ELMO1: variants seen among roughly 807,000 people sequenced by gnomAD.
The protein encoded by ELMO1 is engulfment and cell motility protein 1.
ELMO1 carries 26 observed loss-of-function variants against 98.9 expected under a neutral mutation model. The ratio of observed to expected loss-of-function variants is 0.26; its 90% CI spans 0.19 to 0.36. The LOEUF is 0.36. Ranked by LOEUF, ELMO1 falls within the 10% of genes least tolerant of loss-of-function variation. ELMO1 has a pLI of 1.00. For missense variants in ELMO1, 627 were observed against 935.2 expected, an observed-to-expected ratio of 0.67 and a Z score of 4.30; for synonymous variants, 346 against 346.0, an observed-to-expected ratio of 1.00 and a Z score of 0.00.
chr7:37,366,733 C>T (rs1399713356), intron 1 of ELMO1, among the ~76,000 whole-genome samples: 1 of 152,184 alleles, frequency 6.6e-6, no homozygotes, highest in African/African-American at 2.4e-5. Flanking sequence ...GTGCAGTGAG[C>T]CAGGCCAACT....
chr7:37,014,664 C>A (rs763982230), intron 15 of ELMO1, among the ~76,000 whole-genome samples: 1 of 151,926 alleles, frequency 6.6e-6, no homozygotes, highest in Non-Finnish European at 1.5e-5. Context: ...TGTGTTGTTC[C>A]CCTCCCTGTG....
intron 4 of ELMO1, among the ~76,000 whole-genome samples, chr7:37,298,054 G>GT (rs1254054339): frequency 7.2e-5 from 11 of 152,192 alleles, no homozygotes; most frequent in South Asian, 4.1e-4. Flanking sequence ...CTGTGTAAAT[G>GT]TTTTTTGAAG....
At chr7:37,311,060 T>G (rs1798866265) in intron 4 of ELMO1, among the ~76,000 whole-genome samples, 1 of 152,036 alleles carries the variant, frequency 6.6e-6, no homozygotes, top group Non-Finnish European at 1.5e-5. Context: ...TAGAGCAGAA[T>G]TTGAACTTGT....
chr7:37,272,055 A>C (rs779105371), intron 4 of ELMO1, among the ~76,000 whole-genome samples, 173 bp from the exon 5 acceptor site: 1 of 152,242 alleles, frequency 6.6e-6, no homozygotes, highest in Non-Finnish European at 1.5e-5. Context: ...TATTCAGTAC[A>C]AAGGAAGTGA....
chr7:37,140,116 C>T (rs556731594), intron 13 of ELMO1, among the ~76,000 whole-genome samples: 6 of 151,952 alleles, frequency 3.9e-5, no homozygotes, highest in African/African-American at 1.4e-4. Context: ...TGGTTCACGC[C>T]TGTAATCCCA....
rs573916995 is a variant in ELMO1, at chr7:37,194,416, C to T, written c.1086+16970G>A. 5.9e-5 allele frequency among the ~76,000 whole-genome samples: 9 copies of T among 152,308 alleles called. 1 individual carries two copies. The highest frequency in any genetic ancestry group is 3.4e-3 in the Middle Eastern group (1 of 294). On this transcript the variant is annotated intron_variant, in intron 13 of 21. Coordinates refer to ENST00000310758, the MANE Select transcript of ELMO1 (RefSeq NM_014800.11). Reference sequence around the variant, plus strand: ...TGTTACCAAGCCCTGTGCTCCACACCTTTTCTTTCACATTTGTTTTCTCCC... The same window carrying T: ...TGTTACCAAGCCCTGTGCTCCACACTTTTTCTTTCACATTTGTTTTCTCCC...
chr7:37,181,660 T>C (rs759950002), intron 13 of ELMO1, among the ~76,000 whole-genome samples: 10 of 152,212 alleles, frequency 6.6e-5, no homozygotes, highest in Non-Finnish European at 1.2e-4. Flanking sequence ...AGGAATGTAT[T>C]GCAGTCCTCA....
chr7:37,167,698 C>T (rs1362797082), intron 13 of ELMO1, among the ~76,000 whole-genome samples: 59 of 152,232 alleles, frequency 3.9e-4, no homozygotes, highest in Admixed American at 2.0e-3. Context: ...GAGTTTCTGC[C>T]GAGAGATCAG....
chr7:36,962,941 G>A (rs980364556), intron 16 of ELMO1, among the ~76,000 whole-genome samples: 1 of 151,954 alleles, frequency 6.6e-6, no homozygotes, highest in African/African-American at 2.4e-5. Context: ...TGAGAAAATT[G>A]GAAAAGTGAG....
chr7:37,159,483 C>A (rs1397830639), intron 13 of ELMO1, among the ~76,000 whole-genome samples: 2 of 152,056 alleles, frequency 1.3e-5, no homozygotes, highest in Non-Finnish European at 2.9e-5. Context: ...GGTGGATCAC[C>A]TGAGGTCAGG....
chr7:37,422,034 C>T lies in ELMO1; in HGVS notation c.-74+26641G>A, dbSNP rs550005221. On this transcript the variant is annotated intron_variant, in intron 1 of 21. Coordinates refer to ENST00000310758, the MANE Select transcript of ELMO1 (RefSeq NM_014800.11). The stretch of plus-strand genomic sequence containing the variant: ...ACCTTTAAAGAATGCAGTTCTCAAG[C>T]CAATTGCATTGTGCAACTCAGATAT... Among the ~76,000 whole-genome samples, 7 of 152,298 alleles carry T rather than the reference C, an allele frequency of 4.6e-5. No homozygotes were observed. In the East Asian group the frequency reaches 1.4e-3, roughly 29 times the overall value.
At chr7:37,064,373 G>A (rs1562977068) in intron 15 of ELMO1, among the ~76,000 whole-genome samples, 3 of 152,140 alleles carry the variant, frequency 2.0e-5, no homozygotes, top group African/African-American at 7.2e-5. Context: ...TATCCTCTGC[G>A]ATGCAGTAGA....
chr7:37,031,615 A>G (rs1250054650), intron 15 of ELMO1, among the ~76,000 whole-genome samples: 3 of 152,066 alleles, frequency 2.0e-5, no homozygotes, highest in African/African-American at 7.2e-5. Flanking sequence ...ACCCTCTGCC[A>G]CTTTTCCAAT....
rs1278546898 is a variant in ELMO1 at position 36,997,545 on chromosome 7, G to A, written c.1437+15754C>T. Among the ~76,000 whole-genome samples the A allele has an allele frequency of 5.9e-5, 9 of 152,172 alleles. No individual in the cohort carries two copies. In the East Asian group the frequency reaches 1.7e-3, roughly 29 times the overall value. ...CTCCTGGATTTCAAGTCCAAGATAT[G>A]GGGTGATTGTGGTGTCACTCCTGGA... On this transcript the variant is annotated intron_variant, in intron 16 of 21. Transcript: ENST00000310758.
chr7:37,275,179 A>G (rs1436856382), intron 4 of ELMO1, among the ~76,000 whole-genome samples: 2 of 152,228 alleles, frequency 1.3e-5, no homozygotes, highest in South Asian at 4.1e-4. Context: ...CAGTCGCTCA[A>G]CATACATGAC....
In ELMO1 at chr7:37,164,055, T is replaced by C. The variant is rs532639509; in HGVS notation, c.1087-30821A>G. 2.2e-4 allele frequency among the ~76,000 whole-genome samples: 34 copies of C among 152,334 alleles called. 1 individual carries two copies. Among genetic ancestry groups the C allele is most frequent in the African/African-American group, 6.7e-4 (28 of 41,576 alleles). ...CTAACTGGTGTGAGATAATATCCCA[T>C]TGCGGTTTTGATTTGCATTTCTCTG... On this transcript the variant is annotated intron_variant, in intron 13 of 21. Transcript: ENST00000310758.
At chr7:36,995,956 C>G (rs1455241361) in intron 16 of ELMO1, among the ~76,000 whole-genome samples, 1 of 152,094 alleles carries the variant, frequency 6.6e-6, no homozygotes, top group Non-Finnish European at 1.5e-5. Context: ...ACCTCACAAA[C>G]AGCTGGAAGC....
intron 15 of ELMO1, among the ~76,000 whole-genome samples, chr7:37,065,996 G>A (rs1249754003): frequency 2.0e-5 from 3 of 152,140 alleles, no homozygotes; most frequent in Non-Finnish European, 4.4e-5. Flanking sequence ...TAGTGAACAC[G>A]TCTCACAAGA....
At chr7:37,389,295 G>C (rs1392061176) in intron 1 of ELMO1, among the ~76,000 whole-genome samples, 1 of 152,110 alleles carries the variant, frequency 6.6e-6, no homozygotes, top group Non-Finnish European at 1.5e-5. Context: ...GGGTTTCAAA[G>C]AGTCCAAAAT....
Sources: allele counts gnomAD v4.1 joint callset (sites outside exome capture counted in the v4.1 genomes callset), GRCh38; gene constraint gnomAD v4.1.1; transcripts MANE v1.5; gene names NCBI Gene and HGNC (gene_info 2026-07-23, HGNC 2026-07-21).